Variants in SLC37A3 observed in about 807,000 individuals in gnomAD.
The protein encoded by SLC37A3 is sugar phosphate exchanger 3.
In SLC37A3, 51 loss-of-function variants were observed where a neutral mutation model predicts 67.1. The observed-to-expected ratio is 0.76, with a 90% CI of 0.61 to 0.96. The LOEUF is 0.96. Among genes scored for constraint, SLC37A3 ranks in the 40% least tolerant of loss-of-function variants. SLC37A3 has a pLI of 0.00. For missense variants in SLC37A3, 508 were observed against 603.0 expected (o/e 0.84, Z 1.65); for synonymous variants, 214 against 231.4 (o/e 0.92, Z 0.68).
intron 5 of SLC37A3, among the ~76,000 whole-genome samples, chr7:140,362,462 G>C (rs1247111839): frequency 1.3e-5 from 2 of 148,440 alleles, no homozygotes; most frequent in Non-Finnish European, 3.0e-5. Flanking sequence ...GCCCCGTCTG[G>C]GAGGTGAGGG....
rs1234970905 is a variant in SLC37A3 at position 140,380,263 on chromosome 7, A to T, written c.198+19T>A. On this transcript the variant is annotated intron_variant, in intron 3 of 14. Coordinates refer to ENST00000326232, the MANE Select transcript of SLC37A3 (RefSeq NM_207113.3). ...ACGGTCTCCTACTTCGATCCATCCC[A>T]GCACTCTGTTCTGCTTACCTCCACA... 1 of 1,529,220 alleles carries T rather than the reference A, an allele frequency of 6.5e-7. No homozygotes were observed. Among genetic ancestry groups the T allele is most frequent in the Admixed American group, 1.7e-5 (1 of 58,616 alleles). The allele number at this position is 1,529,220 out of a possible 1,614,324, so 94.7% of individuals were successfully genotyped here. A position where few individuals can be genotyped will look rare whatever the true frequency, so the allele number is the denominator to read the frequency against.
In SLC37A3 at chr7:140,335,302, A is replaced by C. The variant is rs1796088037; in HGVS notation, c.*110T>G. On this transcript the variant is annotated 3_prime_UTR_variant, in exon 15 of 15. Transcript: ENST00000326232. Reference sequence around the variant, plus strand: ...GGCTGGCAGTGTTGAGAGACGCCTGACAATCCAAGATCAGGCTGGAGCTCC... The same window carrying C: ...GGCTGGCAGTGTTGAGAGACGCCTGCCAATCCAAGATCAGGCTGGAGCTCC... 1.2e-6 allele frequency: 2 copies of C among 1,614,140 alleles called. No homozygotes were observed. Among genetic ancestry groups the C allele is most frequent in the East Asian group, 4.5e-5 (2 of 44,870 alleles).
chr7:140,335,602 T>C (rs79891964), intron 14 of SLC37A3, 98 bp from the exon 15 acceptor site: 89,948 of 1,383,828 alleles, frequency 0.065, 3,220 homozygotes, highest in Non-Finnish European at 0.074. Context: ...ATTACATTCA[T>C]TTTGACTTCA....
intron 1 of SLC37A3, among the ~76,000 whole-genome samples, chr7:140,397,230 G>A (rs1028305107): frequency 6.8e-6 from 1 of 146,772 alleles, no homozygotes; most frequent in African/African-American, 2.5e-5. Flanking sequence ...GTCTGGCTCT[G>A]TCACCCAGGC....
At chr7:140,342,677 C>CA (rs11300566) in intron 13 of SLC37A3, among the ~76,000 whole-genome samples, 52 of 146,654 alleles carry the variant, frequency 3.5e-4, no homozygotes, top group Non-Finnish European at 4.8e-4. Flanking sequence ...TGAATTTATG[C>CA]AAAAAAAAAA....
intron 5 of SLC37A3, among the ~76,000 whole-genome samples, chr7:140,361,330 AAGTT>A (rs762024261): frequency 3.3e-5 from 5 of 151,940 alleles, no homozygotes; most frequent in South Asian, 2.1e-4. Context: ...AAAAATAAAA[AAGTT>A]AGTCAGGTGT....
intron 3 of SLC37A3, among the ~76,000 whole-genome samples, chr7:140,370,982 T>G (rs956689352): frequency 6.6e-6 from 1 of 151,974 alleles, no homozygotes; most frequent in Non-Finnish European, 1.5e-5. Context: ...AAGGTCAGAG[T>G]TGATTGGCCT....
chr7:140,395,703 G>A (rs1277257505), intron 1 of SLC37A3, among the ~76,000 whole-genome samples: 2 of 151,800 alleles, frequency 1.3e-5, no homozygotes, highest in Non-Finnish European at 2.9e-5. Flanking sequence ...GCAAGACTCT[G>A]TCTCAAAAAA....
At chr7:140,337,117 A>AAAAAG (rs1554416978) in intron 14 of SLC37A3, among the ~76,000 whole-genome samples, 167 bp downstream of exon 14, 5 of 145,286 alleles carry the variant, frequency 3.4e-5, no homozygotes, top group African/African-American at 1.1e-4. Context: ...AAAAAAAAAA[A>AAAAAG]AAGAAGAAGA....
At chr7:140,392,699 A>G (rs1389233834) in intron 1 of SLC37A3, among the ~76,000 whole-genome samples, 2 of 152,134 alleles carry the variant, frequency 1.3e-5, no homozygotes, top group Non-Finnish European at 2.9e-5. Flanking sequence ...GTTGGTACAG[A>G]TGGAGGAGGA....
chr7:140,371,432 A>G (rs1273118552), intron 3 of SLC37A3, among the ~76,000 whole-genome samples: 21 of 152,118 alleles, frequency 1.4e-4, no homozygotes, highest in Admixed American at 3.9e-4. Flanking sequence ...TCCGCCTCCC[A>G]AAGTGCTGGG....
At chr7:140,386,978 T>A (rs989247211) in intron 1 of SLC37A3, 2 of 152,198 alleles carry the variant, frequency 1.3e-5, no homozygotes, top group African/African-American at 4.8e-5. Flanking sequence ...AACATTATAG[T>A]ATTTTTAATT....
intron 8 of SLC37A3, 134 bp from the exon 9 acceptor site, chr7:140,351,585 AG>A (rs1354435451): frequency 2.6e-6 from 2 of 757,922 alleles, no homozygotes; most frequent in Non-Finnish European, 4.2e-6. Flanking sequence ...CCAGAGACCG[AG>A]GTCAACTAAG....
At chr7:140,381,012 C>T (rs550997508) in intron 2 of SLC37A3, among the ~76,000 whole-genome samples, 2 of 151,540 alleles carry the variant, frequency 1.3e-5, no homozygotes, top group South Asian at 4.2e-4. Flanking sequence ...ATTCTCCTGC[C>T]TCAGCCTCCC....
chr7:140,366,507 T>C (rs1797607976), intron 4 of SLC37A3, among the ~76,000 whole-genome samples: 1 of 152,140 alleles, frequency 6.6e-6, no homozygotes, highest in Non-Finnish European at 1.5e-5. Flanking sequence ...ACCATTGATT[T>C]TTCATGGCAT....
intron 3 of SLC37A3, among the ~76,000 whole-genome samples, chr7:140,378,140 T>C (rs1798105782): frequency 6.6e-6 from 1 of 152,138 alleles, no homozygotes; most frequent in African/African-American, 2.4e-5. Flanking sequence ...CTAAATGAAA[T>C]CCTATTTTTC....
chr7:140,349,738 T>G (rs934959664), intron 9 of SLC37A3, among the ~76,000 whole-genome samples: 5 of 152,152 alleles, frequency 3.3e-5, no homozygotes, highest in Admixed American at 3.3e-4. Flanking sequence ...GGAATTAAGT[T>G]AACTAGATTT....
At chr7:140,347,263 GA>G (rs1377104548) in intron 10 of SLC37A3, among the ~76,000 whole-genome samples, 255 of 138,226 alleles carry the variant, frequency 1.8e-3, no homozygotes, top group African/African-American at 5.6e-3. Flanking sequence ...AAAAAAAAAA[GA>G]AAAAAAAAAG....
chr7:140,394,765 C>T (rs1042242880), intron 1 of SLC37A3, among the ~76,000 whole-genome samples: 4 of 151,418 alleles, frequency 2.6e-5, no homozygotes, highest in African/African-American at 9.7e-5. Flanking sequence ...TGCACCACCA[C>T]GTCCAGCTAA....
Sources: allele counts gnomAD v4.1 joint callset (sites outside exome capture counted in the v4.1 genomes callset), GRCh38; gene constraint gnomAD v4.1.1; transcripts MANE v1.5; gene names NCBI Gene and HGNC (gene_info 2026-07-23, HGNC 2026-07-21).